The following TSEN2 variants were observed in gnomAD, a reference collection of about 807,000 sequenced individuals.
TSEN2 encodes tRNA splicing endonuclease subunit 2.
A neutral mutation model predicts 59.2 loss-of-function variants in TSEN2; 54 were observed. The observed-to-expected ratio is 0.91, with a 90% CI of 0.73 to 1.14. The LOEUF is 1.14. Ranked by LOEUF, TSEN2 falls within the 50% of genes most tolerant of loss-of-function variation. The pLI, the probability that TSEN2 is intolerant of heterozygous loss-of-function variation, is 0.00. For missense variants in TSEN2, 636 were observed against 576.2 expected, an observed-to-expected ratio of 1.10 and a Z score of -1.06; for synonymous variants, 195 against 198.2, an observed-to-expected ratio of 0.98 and a Z score of 0.14.
At chr3:12,520,672 C>T (rs574168718) in intron 8 of TSEN2, among the ~76,000 whole-genome samples, 27 of 151,986 alleles carry the variant, frequency 1.8e-4, no homozygotes, top group Non-Finnish European at 2.8e-4. Flanking sequence ...CACTTGTAAT[C>T]CCAGCTATTT....
intron 7 of TSEN2, 120 bp downstream of exon 7, chr3:12,516,781 T>C (rs2056170631): frequency 4.5e-6 from 5 of 1,098,900 alleles, no homozygotes; most frequent in Non-Finnish European, 6.7e-6. Context: ...AAAATAGGAA[T>C]TGAATTTTTC....
chr3:12,496,445 C>A, intron 3 of TSEN2, 73 bp from the exon 4 acceptor site: 1 of 1,499,010 alleles, frequency 6.7e-7, no homozygotes, highest in Non-Finnish European at 9.3e-7. Flanking sequence ...AATTCTCAGT[C>A]TTTCCTAGAT....
intron 6 of TSEN2, among the ~76,000 whole-genome samples, chr3:12,509,297 T>C (rs1404343283): frequency 6.6e-6 from 1 of 150,566 alleles, no homozygotes; most frequent in Admixed American, 6.6e-5. Flanking sequence ...GCCTCCCGGG[T>C]TCAAGTGATC....
chr3:12,505,296 A>C, intron 6 of TSEN2, 65 bp downstream of exon 6: 2 of 960,770 alleles, frequency 2.1e-6, no homozygotes, highest in Non-Finnish European at 3.4e-6. Context: ...CTATATGTGA[A>C]CCTACCTCAC....
upstream of TSEN2, among the ~76,000 whole-genome samples, chr3:12,482,874 C>T (rs184973007): frequency 1.3e-5 from 2 of 152,322 alleles, no homozygotes; most frequent in Admixed American, 6.5e-5. Flanking sequence ...GCTGTCTCTC[C>T]CCTGCCCAAT....
intron 7 of TSEN2, among the ~76,000 whole-genome samples, chr3:12,518,599 C>T (rs1031898735): frequency 5.9e-5 from 9 of 152,118 alleles, no homozygotes; most frequent in African/African-American, 1.9e-4. Flanking sequence ...TTTCTGGTAA[C>T]CACATTAAAA....
At chr3:12,500,947 GT>G (rs1160718631) in intron 4 of TSEN2, among the ~76,000 whole-genome samples, 1 of 152,178 alleles carries the variant, frequency 6.6e-6, no homozygotes, top group Non-Finnish European at 1.5e-5. Context: ...TAAATCAGTG[GT>G]TCTGTCACGT....
intron 1 of TSEN2, among the ~76,000 whole-genome samples, chr3:12,485,961 A>G (rs978861294): frequency 2.6e-5 from 4 of 152,190 alleles, no homozygotes; most frequent in Admixed American, 6.5e-5. Flanking sequence ...ATATATATAT[A>G]TAACAATTAT....
rs746963508 is a variant in TSEN2 at position 12,519,148 on chromosome 3, A to T, written c.1050A>T (p.Arg350=). 3.7e-6 allele frequency: 6 copies of T among 1,614,216 alleles called. No individual in the cohort carries two copies. Among genetic ancestry groups the T allele is most frequent in the Non-Finnish European group, 5.1e-6 (6 of 1,180,048 alleles). The change falls in exon 8 of 12, where the codon CGA becomes CGT. Residue 350 remains arginine (R), a synonymous_variant. Transcript: ENST00000284995. ...CCTACATGGCCTACCATTACTTTCG[A>T]AGCAAGGGCTGGGTGCCCAAAGTGG... is the stretch of plus-strand genomic sequence containing the variant. ...RTTYMAYHYF[R]SKGWVPKVGL...
At chr3:12,488,112 G>T (rs1039618589) in intron 1 of TSEN2, among the ~76,000 whole-genome samples, 1 of 152,088 alleles carries the variant, frequency 6.6e-6, no homozygotes, top group Non-Finnish European at 1.5e-5. Context: ...TCACACGTTG[G>T]ATAAGCCTTT....
intron 4 of TSEN2, 59 bp from the exon 5 acceptor site, chr3:12,503,203 T>G: frequency 3.1e-6 from 5 of 1,604,678 alleles, no homozygotes; most frequent in Non-Finnish European, 4.3e-6. Context: ...TTATGTGCTT[T>G]GTTGTTTTTT....
intron 2 of TSEN2, 151 bp downstream of exon 2, chr3:12,490,140 T>C: frequency 1.2e-6 from 1 of 816,008 alleles, no homozygotes; most frequent in East Asian, 2.6e-5. Context: ...AAAAGTACAA[T>C]TTGAATTAGT....
chr3:12,480,459 A>G (rs1158957556), upstream of TSEN2, among the ~76,000 whole-genome samples: 1 of 144,018 alleles, frequency 6.9e-6, no homozygotes, highest in Non-Finnish European at 1.5e-5. Context: ...TCCAACCGAC[A>G]CTTACTGTTG....
At chr3:12,528,706 C>T (rs1049926316) in intron 8 of TSEN2, among the ~76,000 whole-genome samples, 182 bp from the exon 9 acceptor site, 3 of 152,182 alleles carry the variant, frequency 2.0e-5, no homozygotes, top group East Asian at 1.9e-4. Context: ...AGTGACAGAG[C>T]GAGACCCTGT....
intron 8 of TSEN2, among the ~76,000 whole-genome samples, chr3:12,522,269 TA>T (rs2056708008): frequency 6.6e-6 from 1 of 152,178 alleles, no homozygotes; most frequent in Non-Finnish European, 1.5e-5. Flanking sequence ...GATGGACAGA[TA>T]AATAGAATTT....
chr3:12,530,472 A>G (rs1447851616), intron 10 of TSEN2: 1 of 985,330 alleles, frequency 1.0e-6, no homozygotes, highest in Non-Finnish European at 1.2e-6. Flanking sequence ...GCCATCAGAG[A>G]TAGGAGGGAC....
intron 8 of TSEN2, among the ~76,000 whole-genome samples, chr3:12,523,787 G>A (rs1268251250): frequency 6.6e-6 from 1 of 151,904 alleles, no homozygotes; most frequent in Non-Finnish European, 1.5e-5. Context: ...TGATCTGCCT[G>A]CCTCGGCCTC....
At chr3:12,498,871 T>A (rs1331617456) in intron 4 of TSEN2, among the ~76,000 whole-genome samples, 1 of 152,136 alleles carries the variant, frequency 6.6e-6, no homozygotes, top group Non-Finnish European at 1.5e-5. Flanking sequence ...ATAAGAAAAA[T>A]TGATGCATGT....
chr3:12,535,869 AAT>A (rs1346433985), downstream of TSEN2, among the ~76,000 whole-genome samples: 2 of 152,170 alleles, frequency 1.3e-5, no homozygotes, highest in African/African-American at 2.4e-5. Flanking sequence ...CCACATTTCA[AAT>A]CACCACTGGG....
Sources: gnomAD v4.1 joint callset for allele counts (sites outside exome capture counted in the v4.1 genomes callset) on GRCh38, gnomAD v4.1.1 for gene constraint, MANE v1.5 for transcripts, NCBI Gene and HGNC (gene_info 2026-07-23, HGNC 2026-07-21) for gene names.